The following NEU4 variants were observed in gnomAD, a reference collection of about 807,000 sequenced individuals.
NEU4 encodes neuraminidase 4.
NEU4 carries 7 observed loss-of-function variants against 9.9 expected under a neutral mutation model. The observed-to-expected ratio is 0.71, with a 90% confidence interval of 0.40 to 1.33. The LOEUF is 1.33. NEU4 is among the 40% of genes most tolerant of loss of function. The pLI is 0.01. For synonymous variants in NEU4, 348 were observed against 316.9 expected, an observed-to-expected ratio of 1.10 and a Z score of -1.04; for missense variants, 717 against 712.6, an observed-to-expected ratio of 1.01 and a Z score of -0.07.
In NEU4 at chr2:241,816,820, C is replaced by T; in HGVS notation, c.1227C>T (p.Pro409=). ...TGGACCCGCGCAGCTGGACAGAGCCCTGGGTGATCTACGAGGGCCCCAGCG... is the reference window on the plus strand; with the variant it reads ...TGGACCCGCGCAGCTGGACAGAGCCTTGGGTGATCTACGAGGGCCCCAGCG... ...SPLDPRSWTE[P]WVIYEGPSGY... The change falls in exon 4 of 4, where the codon CCC becomes CCT. Residue 409 remains proline, a synonymous_variant. Coordinates refer to ENST00000407683, the MANE Select transcript of NEU4 (RefSeq NM_001167600.3). 6.2e-7 allele frequency: 1 copy of T among 1,609,390 alleles called. No homozygotes were observed. The highest frequency in any genetic ancestry group is 8.5e-7 in the Non-Finnish European group (1 of 1,178,566).
rs1452768413 is a variant in NEU4 at position 241,816,048 on chromosome 2, C to A, written c.458-3C>A. 5.0e-6 allele frequency: 8 copies of A among 1,596,128 alleles called. No homozygotes were observed. Among genetic ancestry groups the A allele is most frequent in the South Asian group, 1.1e-5 (1 of 88,460 alleles). Reference sequence around the variant, plus strand: ...CCTCCCACCTCTGCCCTCCTCCCTGCAGACTGGGCCACATTCGCTGTGGGT... The same window carrying A: ...CCTCCCACCTCTGCCCTCCTCCCTGAAGACTGGGCCACATTCGCTGTGGGT... On this transcript the variant is annotated splice_region_variant and splice_polypyrimidine_tract_variant and intron_variant, in intron 3 of 3. Coordinates refer to ENST00000407683, the MANE Select transcript of NEU4 (RefSeq NM_001167600.3).
chr2:241,814,828 C>T, intron 2 of NEU4, 64 bp from the exon 3 acceptor site: 9 of 1,561,438 alleles, frequency 5.8e-6, no homozygotes, highest in South Asian at 1.2e-5. Flanking sequence ...TCCTGGGTGC[C>T]CTGCGGGGGG....
At chr2:241,814,738 G>C in intron 2 of NEU4, 53 bp downstream of exon 2, 2 of 1,514,584 alleles carry the variant, frequency 1.3e-6, no homozygotes, top group Non-Finnish European at 8.8e-7. Flanking sequence ...ATCTGCTGGG[G>C]CTGCACACCC....
chr2:241,812,477 A>G (rs921641497), intron 1 of NEU4, among the ~76,000 whole-genome samples: 290 of 23,532 alleles, frequency 0.012, 1 homozygote, highest in African/African-American at 0.015. Flanking sequence ...TCCGAGACAG[A>G]GGGGCCTGCC....
At position 241,814,224 on chromosome 2, in the gene NEU4, C is replaced by T. The variant is rs569320619; in HGVS notation, c.-3-258C>T. 5.3e-5 allele frequency: 34 copies of T among 636,604 alleles called. 1 individual carries two copies. The highest frequency in any genetic ancestry group is 2.9e-4 in the African/African-American group (16 of 55,086). The allele number at this position is 636,604 out of a possible 1,614,324, so 39.4% of individuals were successfully genotyped here. On this transcript the variant is annotated intron_variant, in intron 1 of 3. Transcript: ENST00000407683. Reference sequence around the variant, plus strand: ...CTGGCCGAGGGTCAGCTCCCAGAGCCGTGTTGAGAGGGGAAGGGGCTGATT... The same window carrying T: ...CTGGCCGAGGGTCAGCTCCCAGAGCTGTGTTGAGAGGGGAAGGGGCTGATT...
At chr2:241,814,860 T>A (rs1255944562) in intron 2 of NEU4, 32 bp from the exon 3 acceptor site, 1 of 1,590,110 alleles carries the variant, frequency 6.3e-7, no homozygotes, top group South Asian at 1.1e-5. Context: ...TCCCTGGACG[T>A]CCTGGTCAGC....
chr2:241,814,833 G>A (rs1032626280), intron 2 of NEU4, 59 bp from the exon 3 acceptor site: 34 of 1,566,902 alleles, frequency 2.2e-5, no homozygotes, highest in Middle Eastern at 2.3e-4. Context: ...GGTGCCCTGC[G>A]GGGGGCTGTG....
chr2:241,815,698 G>C (rs1304259790), intron 3 of NEU4: 1 of 529,488 alleles, frequency 1.9e-6, no homozygotes, highest in Non-Finnish European at 3.6e-6. Flanking sequence ...GTGGCCACCT[G>C]ACCCCGGCCC....
chr2:241,814,561 C>T lies in NEU4; in HGVS notation c.77C>T (p.Ser26Leu), dbSNP rs777106888. ...ACGGGCCTGACCTACCGCGTGCCCT[C>T]GCTGCTCCCCGTGCCCCCCGGGCCC... Reference protein sequence around the residue: ...ERTGLTYRVPSLLPVPPGPTL... With the variant: ...ERTGLTYRVPLLLPVPPGPTL... Residue 26 changes from serine to leucine, a missense_variant, in exon 2 of 4, where the codon TCG becomes TTG. Physicochemically the swap from Ser to Leu is moderately radical, Grantham distance 145. Coordinates refer to ENST00000407683, the MANE Select transcript of NEU4 (RefSeq NM_001167600.3). 41 of 1,612,468 alleles carry T rather than the reference C, an allele frequency of 2.5e-5. No homozygotes were observed. The highest frequency in any genetic ancestry group is 4.0e-5 in the African/African-American group (3 of 74,930).
At chr2:241,814,794 AGATGAGCAAACCAGGCTCAGCGATCCTGG>A in intron 2 of NEU4, 69 bp from the exon 3 acceptor site, 1 of 1,539,644 alleles carries the variant, frequency 6.5e-7, no homozygotes, top group South Asian at 1.2e-5. Flanking sequence ...CCCGAGGTAG[AGATGAGCAAACCAGGCTCAGCGATCCTGG>A]GTGCCCTGCG....
rs113253790 is a variant in NEU4, at chr2:241,816,358, C to G, written c.765C>G (p.Asp255Glu). 3 of 1,587,978 alleles carry G rather than the reference C, an allele frequency of 1.9e-6. No homozygotes were observed. The highest frequency in any genetic ancestry group is 2.6e-6 in the Non-Finnish European group (3 of 1,170,320). ...LGSRVQALSTDEGTSFLPAER... is the reference protein window; with the variant it reads ...LGSRVQALSTEEGTSFLPAER... ...GCCGTGTGCAGGCGCTCAGCACTGACGAGGGCACCTCCTTCCTGCCCGCAG... is the reference window on the plus strand; with the variant it reads ...GCCGTGTGCAGGCGCTCAGCACTGAGGAGGGCACCTCCTTCCTGCCCGCAG... The change falls in exon 4 of 4, where the codon GAC becomes GAG. Residue 255 changes from aspartate (D) to glutamate (E), a missense_variant. Transcript: ENST00000407683.
Position 241,816,487 on chromosome 2 carries a change from G to A in NEU4, c.894G>A (p.Val298=). ...PNRPRDDSWS[V]GPGSPLQPPL... is the part of the protein sequence containing the mutation. ...GGCCACGGGATGACAGTTGGTCAGT[G>A]GGCCCCGGGAGTCCCCTCCAGCCTC... is the stretch of plus-strand genomic sequence containing the variant. The change falls in exon 4 of 4, where the codon GTG becomes GTA. Residue 298 remains valine, a synonymous_variant. Transcript: ENST00000407683. 6.2e-7 allele frequency: 1 copy of A among 1,609,736 alleles called. No individual in the cohort carries two copies. The highest frequency in any genetic ancestry group is 8.5e-7 in the Non-Finnish European group (1 of 1,178,992).
intron 1 of NEU4, among the ~76,000 whole-genome samples, chr2:241,812,688 G>A (rs1700169399): frequency 7.0e-6 from 1 of 142,670 alleles, no homozygotes; most frequent in African/African-American, 2.8e-5. Context: ...GGGCCTGGCC[G>A]TGGCAAGGAA....
rs561443650 is a variant in NEU4, at chr2:241,815,990, C to T, written c.458-61C>T. Reference sequence around the variant, plus strand: ...TCCTTCCCCGTCCCCCTGTGCCTTCCTCCAGCCCCCCGACCTCGGGGACCC... The same window carrying T: ...TCCTTCCCCGTCCCCCTGTGCCTTCTTCCAGCCCCCCGACCTCGGGGACCC... On this transcript the variant is annotated intron_variant, in intron 3 of 3. Coordinates refer to ENST00000407683, the MANE Select transcript of NEU4 (RefSeq NM_001167600.3). The T allele has an allele frequency of 7.0e-5, 104 of 1,483,378 alleles. No homozygotes were observed. The African/African-American group carries it at 1.3e-3, about 18-fold the overall frequency. The allele number at this position is 1,483,378 out of a possible 1,614,324, so 91.9% of individuals were successfully genotyped here. A position where few individuals can be genotyped will look rare whatever the true frequency, so the allele number is the denominator to read the frequency against.
At chr2:241,811,561 C>A in intron 1 of NEU4, 1 of 1,122,496 alleles carries the variant, frequency 8.9e-7, no homozygotes, top group Non-Finnish European at 1.2e-6. Context: ...TGGCCGCCCC[C>A]TCTGTCTGGG....
intron 1 of NEU4, chr2:241,809,967 G>A (rs1384089394): frequency 6.5e-6 from 1 of 152,724 alleles, no homozygotes; most frequent in African/African-American, 2.4e-5. Flanking sequence ...GTAAGCCTGG[G>A]TACTTAGGGG....
In NEU4 at chr2:241,816,351, G is replaced by A. The variant is rs771049696; in HGVS notation, c.758G>A (p.Ser253Asn). 6 of 1,584,738 alleles carry A rather than the reference G, an allele frequency of 3.8e-6. No homozygotes were observed. In the African/African-American group the frequency reaches 8.1e-5, roughly 21 times the overall value. Residue 253 changes from serine to asparagine, a missense_variant, in exon 4 of 4, where the codon AGC becomes AAC. Transcript: ENST00000407683. Reference protein sequence around the residue: ...SPLGSRVQALSTDEGTSFLPA... With the variant: ...SPLGSRVQALNTDEGTSFLPA... ...CTGGGCAGCCGTGTGCAGGCGCTCA[G>A]CACTGACGAGGGCACCTCCTTCCTG... is the stretch of plus-strand genomic sequence containing the variant.
chr2:241,815,684 C>G, intron 3 of NEU4: 1 of 530,966 alleles, frequency 1.9e-6, no homozygotes, highest in Non-Finnish European at 3.6e-6. Flanking sequence ...CCACCCCATC[C>G]TCTGTGGCCA....
chr2:241,809,347 T>C, intron 1 of NEU4, 73 bp downstream of exon 1: 1 of 865,358 alleles, frequency 1.2e-6, no homozygotes, highest in Non-Finnish European at 1.6e-6. Context: ...CAGTAGAGAG[T>C]GTTGAGAACA....
Sources: gnomAD v4.1 joint callset for allele counts (sites outside exome capture counted in the v4.1 genomes callset) on GRCh38, gnomAD v4.1.1 for gene constraint, MANE v1.5 for transcripts, NCBI Gene and HGNC (gene_info 2026-07-23, HGNC 2026-07-21) for gene names.